ZCWPW2: variants seen among roughly 807,000 people sequenced by gnomAD.
ZCWPW2 encodes zinc finger CW-type PWWP domain protein 2.
In ZCWPW2, 45 loss-of-function variants were observed where a neutral mutation model predicts 46.6. That is an observed-to-expected ratio of 0.96 (90% CI 0.76 to 1.24). The LOEUF (loss-of-function observed/expected upper bound fraction) is 1.24, where lower values mean the gene tolerates loss of function less well. Ranked by LOEUF, ZCWPW2 falls within the 50% of genes most tolerant of loss-of-function variation. The pLI, the probability that ZCWPW2 is intolerant of heterozygous loss-of-function variation, is 0.00. For synonymous variants in ZCWPW2, 152 were observed against 137.1 expected (o/e 1.11, Z -0.76); for missense variants, 429 against 403.9 (o/e 1.06, Z -0.53).
intron 3 of ZCWPW2, among the ~76,000 whole-genome samples, chr3:28,430,317 G>C (rs896015555): frequency 3.3e-5 from 5 of 152,206 alleles, no homozygotes; most frequent in Admixed American, 2.0e-4. Context: ...CTGCCCCACT[G>C]GATTATGGAC....
intron 6 of ZCWPW2, among the ~76,000 whole-genome samples, chr3:28,503,344 CTGATTATA>C (rs1249741892): frequency 1.3e-5 from 2 of 152,096 alleles, no homozygotes; most frequent in Non-Finnish European, 2.9e-5. Flanking sequence ...ATGCATTTTG[CTGATTATA>C]TTTATTGAAA....
chr3:28,431,740 A>G (rs372807420), intron 3 of ZCWPW2, among the ~76,000 whole-genome samples: 2 of 152,240 alleles, frequency 1.3e-5, no homozygotes, highest in South Asian at 2.1e-4. Flanking sequence ...TTATAACAAC[A>G]CAGTGAGGAA....
At chr3:28,518,968 A>G (rs1700651211) in intron 8 of ZCWPW2, among the ~76,000 whole-genome samples, 2 of 152,234 alleles carry the variant, frequency 1.3e-5, no homozygotes, top group Admixed American at 1.3e-4. Flanking sequence ...ACATTCCTCT[A>G]GAAAATCCTG....
intron 6 of ZCWPW2, 107 bp downstream of exon 6, chr3:28,492,280 AT>A (rs1407658031): frequency 1.4e-5 from 14 of 1,018,050 alleles, no homozygotes; most frequent in African/African-American, 5.0e-5. Flanking sequence ...CATACAATCC[AT>A]TTTTTCTTCT....
At chr3:28,478,770 T>C in intron 4 of ZCWPW2, 44 bp from the exon 5 acceptor site, 3 of 1,056,954 alleles carry the variant, frequency 2.8e-6, no homozygotes, top group Non-Finnish European at 3.9e-6. Flanking sequence ...AACAAAGTTA[T>C]ATATTTAAAA....
chr3:28,514,341 T>G (rs2125833737), intron 7 of ZCWPW2, among the ~76,000 whole-genome samples: 1 of 152,068 alleles, frequency 6.6e-6, no homozygotes, highest in South Asian at 2.1e-4. Context: ...CTTACATAAC[T>G]TCATAAACAC....
At chr3:28,490,560 A>G (rs1699773349) in intron 5 of ZCWPW2, among the ~76,000 whole-genome samples, 1 of 152,112 alleles carries the variant, frequency 6.6e-6, no homozygotes, top group Admixed American at 6.6e-5. Context: ...AAGCAAGATA[A>G]TGTAGGAACA....
Position 28,515,607 on chromosome 3 carries a change from C to A in ZCWPW2, c.770C>A (p.Ser257Ter). ...AATGTTTATTCTGATGATGCCTTATCAAAGGAGAACAGGGGTATGTGAAAG... is the reference window on the plus strand; with the variant it reads ...AATGTTTATTCTGATGATGCCTTATAAAAGGAGAACAGGGGTATGTGAAAG... ...FENVYSDDAL[S>*]KENRVVCETE... Residue 257 changes from serine (S) to a stop codon, truncating the protein, a stop_gained, in exon 8 of 10, where the codon TCA (serine) becomes TAA (stop). Transcript: ENST00000383768. LOFTEE classifies it high-confidence loss of function. 2 of 1,604,220 alleles carry A rather than the reference C, an allele frequency of 1.2e-6. No individual in the cohort carries two copies. The highest frequency in any genetic ancestry group is 8.5e-7 in the Non-Finnish European group (1 of 1,179,004).
Position 28,435,224 on chromosome 3 carries a change from A to G in ZCWPW2, c.447A>G (p.Ser149=), listed in dbSNP as rs139279773. 367 of 1,613,432 alleles carry G rather than the reference A, an allele frequency of 2.3e-4. 1 individual carries two copies. The African/African-American group carries it at 4.2e-3, about 18-fold the overall frequency. Residue 149 remains serine, a synonymous_variant, in exon 4 of 10, where the codon TCA becomes TCG. Transcript: ENST00000383768. ...IEFLGDPHSR[S]WIKATFVGHY... The stretch of plus-strand genomic sequence containing the variant: ...TCCTGGGCGATCCCCATTCAAGATC[A>G]TGGATAAAGGCAACATTCGTTGGAC...
At chr3:28,432,953 G>A (rs1370813309) in intron 3 of ZCWPW2, among the ~76,000 whole-genome samples, 1 of 152,122 alleles carries the variant, frequency 6.6e-6, no homozygotes, top group African/African-American at 2.4e-5. Flanking sequence ...TATCAGATAA[G>A]AAAGGCCTTT....
chr3:28,456,748 G>A (rs547980658), intron 4 of ZCWPW2, among the ~76,000 whole-genome samples: 1 of 152,076 alleles, frequency 6.6e-6, no homozygotes, highest in African/African-American at 2.4e-5. Context: ...TTTGTCTTTA[G>A]TTCTGTTTAT....
At chr3:28,432,303 A>G (rs189096146) in intron 3 of ZCWPW2, among the ~76,000 whole-genome samples, 1 of 152,328 alleles carries the variant, frequency 6.6e-6, no homozygotes, top group East Asian at 1.9e-4. Context: ...TCACTGAACT[A>G]TAACATGTGG....
intron 4 of ZCWPW2, among the ~76,000 whole-genome samples, chr3:28,438,213 G>C (rs1320340525): frequency 2.6e-5 from 4 of 152,150 alleles, no homozygotes; most frequent in African/African-American, 9.7e-5. Context: ...CAATGAAAGG[G>C]GCAGCTAGCT....
At chr3:28,423,467 C>T (rs919674580) in intron 3 of ZCWPW2, among the ~76,000 whole-genome samples, 13 of 150,498 alleles carry the variant, frequency 8.6e-5, no homozygotes, top group African/African-American at 2.4e-4. Flanking sequence ...CCCGGGTTCA[C>T]GCCATTCTCC....
chr3:28,520,898 T>G (rs1700704356), intron 8 of ZCWPW2, 94 bp from the exon 9 acceptor site: 26 of 1,453,170 alleles, frequency 1.8e-5, no homozygotes, highest in Non-Finnish European at 2.4e-5. Context: ...TTGTAGCATT[T>G]AAAAGATTTC....
chr3:28,448,105 A>G, intron 4 of ZCWPW2: 1 of 213,628 alleles, frequency 4.7e-6, no homozygotes, highest in Non-Finnish European at 9.6e-6. Flanking sequence ...AAGGGTAATA[A>G]AAATTAAAAG....
intron 1 of ZCWPW2, among the ~76,000 whole-genome samples, chr3:28,378,905 G>A (rs1705583678): frequency 6.6e-6 from 1 of 152,124 alleles, no homozygotes; most frequent in African/African-American, 2.4e-5. Context: ...GTGGTATGCA[G>A]AGGGAGTGGA....
intron 3 of ZCWPW2, among the ~76,000 whole-genome samples, chr3:28,433,224 A>T (rs1697342693): frequency 1.3e-5 from 2 of 152,270 alleles, no homozygotes; most frequent in South Asian, 2.1e-4. Context: ...GAGGCTGAAT[A>T]TTCCATCTTT....
intron 1 of ZCWPW2, among the ~76,000 whole-genome samples, chr3:28,361,156 A>G (rs1401863930): frequency 3.3e-5 from 5 of 152,194 alleles, no homozygotes; most frequent in African/African-American, 1.2e-4. Flanking sequence ...GGGATATTCA[A>G]CTAGTACTGG....
Sources: allele counts gnomAD v4.1 joint callset (sites outside exome capture counted in the v4.1 genomes callset), GRCh38; gene constraint gnomAD v4.1.1; transcripts MANE v1.5; gene names NCBI Gene and HGNC (gene_info 2026-07-23, HGNC 2026-07-21).